Variants in KCNIP4 observed in about 807,000 individuals in gnomAD.
KCNIP4 encodes the protein Kv channel-interacting protein 4.
Under a neutral mutation model 34.0 loss-of-function variants are expected in KCNIP4, and 12 were observed. The ratio of observed to expected loss-of-function variants is 0.35; its 90% CI spans 0.23 to 0.57. The LOEUF (loss-of-function observed/expected upper bound fraction) is 0.57. KCNIP4 is among the 20% of genes least tolerant of loss of function. The probability of loss-of-function intolerance (pLI) is 0.83; values close to 1 mark genes in which losing one functional copy is unlikely to be tolerated. For synonymous variants in KCNIP4, 124 were observed against 102.2 expected, an observed-to-expected ratio of 1.21 and a Z score of -1.29; for missense variants, 238 against 311.7, an observed-to-expected ratio of 0.76 and a Z score of 1.78.
chr4:21,240,747 C>T lies in KCNIP4; in HGVS notation c.62-358038G>A, dbSNP rs552783860. 4.6e-5 allele frequency among the ~76,000 whole-genome samples: 7 copies of T among 152,294 alleles called. No individual in the cohort carries two copies. In the South Asian group the frequency reaches 1.2e-3, roughly 27 times the overall value. On this transcript the variant is annotated intron_variant, in intron 1 of 8. Transcript: ENST00000382152. ...AATTACCTCCTAATAGTGCAGCCAA[C>T]TCAAAAGTACCTTCCCCAGCATTTC...
chr4:21,721,762 A>C (rs1231321840), intron 1 of KCNIP4, among the ~76,000 whole-genome samples: 1 of 152,160 alleles, frequency 6.6e-6, no homozygotes, highest in Non-Finnish European at 1.5e-5. Flanking sequence ...CTGCTACATC[A>C]ATAAAACATG....
At chr4:21,532,755 G>A (rs764859996) in intron 1 of KCNIP4, among the ~76,000 whole-genome samples, 4 of 152,046 alleles carry the variant, frequency 2.6e-5, no homozygotes, top group Non-Finnish European at 5.9e-5. Flanking sequence ...AGTGGCTGAT[G>A]GGCAGGCAGC....
At chr4:21,131,044 T>G (rs1358851980) in intron 1 of KCNIP4, among the ~76,000 whole-genome samples, 2 of 152,254 alleles carry the variant, frequency 1.3e-5, no homozygotes, top group East Asian at 3.9e-4. Flanking sequence ...AATCCTAAAT[T>G]GAACCATTTT....
intron 1 of KCNIP4, among the ~76,000 whole-genome samples, chr4:21,936,405 C>G (rs1253120218): frequency 6.6e-6 from 1 of 152,062 alleles, no homozygotes; most frequent in Admixed American, 6.6e-5. Flanking sequence ...TGAGGTCTGC[C>G]CAGCCATGTA....
At chr4:20,926,877 C>T (rs1729951536) in intron 1 of KCNIP4, among the ~76,000 whole-genome samples, 5 of 152,202 alleles carry the variant, frequency 3.3e-5, no homozygotes, top group Admixed American at 3.3e-4. Context: ...GATATAATTG[C>T]ACAGCCAAAA....
At chr4:21,188,527 T>A (rs1373733887) in intron 1 of KCNIP4, among the ~76,000 whole-genome samples, 1 of 152,222 alleles carries the variant, frequency 6.6e-6, no homozygotes, top group Non-Finnish European at 1.5e-5. Flanking sequence ...GGTTTCTTGC[T>A]ACATGTAGAG....
At chr4:21,447,152 C>G (rs1728093558) in intron 1 of KCNIP4, among the ~76,000 whole-genome samples, 2 of 152,096 alleles carry the variant, frequency 1.3e-5, no homozygotes, top group Non-Finnish European at 2.9e-5. Context: ...GCATCTACAT[C>G]CATACTTTTA....
chr4:21,236,050 T>C (rs948562974), intron 1 of KCNIP4, among the ~76,000 whole-genome samples: 16 of 152,132 alleles, frequency 1.1e-4, no homozygotes, highest in African/African-American at 3.9e-4. Flanking sequence ...ATCTCATCAG[T>C]TTGGGAGGCT....
Position 20,904,838 on chromosome 4 carries a change from A to T in KCNIP4, c.62-22129T>A, listed in dbSNP as rs531864426. Among the ~76,000 whole-genome samples the T allele has an allele frequency of 1.7e-3, 255 of 152,268 alleles. 3 individuals are homozygous for T. In the South Asian group the frequency reaches 0.018, roughly 11 times the overall value. The stretch of plus-strand genomic sequence containing the variant: ...TGAGGTAACAATTTTACTTGTGTTT[A>T]TCCTTGGTCATCTGAGGATGTAGCA... On this transcript the variant is annotated intron_variant, in intron 1 of 8. Coordinates refer to ENST00000382152, the MANE Select transcript of KCNIP4 (RefSeq NM_025221.6).
At chr4:21,455,533 CAGAT>C (rs1322285288) in intron 1 of KCNIP4, among the ~76,000 whole-genome samples, 3 of 150,838 alleles carry the variant, frequency 2.0e-5, no homozygotes, top group Non-Finnish European at 4.4e-5. Flanking sequence ...ATATAGATGA[CAGAT>C]AGATAAATAG....
chr4:20,789,575 C>A (rs923673), intron 3 of KCNIP4, among the ~76,000 whole-genome samples: 119,677 of 151,884 alleles, frequency 0.79, 47,655 homozygotes, highest in African/African-American at 0.89. Context: ...GGGCTTGGCC[C>A]TGTGCCTGTC....
intron 1 of KCNIP4, among the ~76,000 whole-genome samples, chr4:21,513,513 C>T (rs535056233): frequency 7.2e-5 from 11 of 152,230 alleles, no homozygotes; most frequent in Admixed American, 6.5e-4. Flanking sequence ...ATCAGAAAAA[C>T]ATGGGTTTGA....
chr4:21,470,304 G>A (rs1730350683), intron 1 of KCNIP4, among the ~76,000 whole-genome samples: 1 of 152,060 alleles, frequency 6.6e-6, no homozygotes, highest in South Asian at 2.1e-4. Context: ...AAGGCAGAGA[G>A]CAAAAGAAGA....
chr4:21,859,109 G>C (rs1724917405), intron 1 of KCNIP4, among the ~76,000 whole-genome samples: 1 of 152,108 alleles, frequency 6.6e-6, no homozygotes, highest in Admixed American at 6.5e-5. Flanking sequence ...AGACCAAAAA[G>C]AGTAACTGTG....
At chr4:21,380,621 A>C (rs2109473991) in intron 1 of KCNIP4, among the ~76,000 whole-genome samples, 1 of 152,264 alleles carries the variant, frequency 6.6e-6, no homozygotes, top group South Asian at 2.1e-4. Context: ...AGAAACAAAA[A>C]GCACCTTAAA....
chr4:21,551,924 C>T (rs1385484251), intron 1 of KCNIP4, among the ~76,000 whole-genome samples: 1 of 151,738 alleles, frequency 6.6e-6, no homozygotes, highest in Non-Finnish European at 1.5e-5. Context: ...TTCAAATACT[C>T]CAAGCAAGTT....
chr4:21,795,462 T>G (rs747617077), intron 1 of KCNIP4, among the ~76,000 whole-genome samples: 1 of 152,168 alleles, frequency 6.6e-6, no homozygotes, highest in South Asian at 2.1e-4. Flanking sequence ...CTGTGCAATG[T>G]CTATGAGGCA....
chr4:21,804,004 A>G (rs1042482922), intron 1 of KCNIP4, among the ~76,000 whole-genome samples: 12 of 152,224 alleles, frequency 7.9e-5, no homozygotes, highest in Non-Finnish European at 1.6e-4. Context: ...GGAACCATGA[A>G]GGAAAGGTCT....
At chr4:20,921,856 A>C (rs1355477839) in intron 1 of KCNIP4, among the ~76,000 whole-genome samples, 1 of 152,212 alleles carries the variant, frequency 6.6e-6, no homozygotes, top group East Asian at 1.9e-4. Context: ...ATATTAATGA[A>C]GACTATCTCT....
Sources: allele counts gnomAD v4.1 joint callset (sites outside exome capture counted in the v4.1 genomes callset), GRCh38; gene constraint gnomAD v4.1.1; transcripts MANE v1.5; gene names NCBI Gene and HGNC (gene_info 2026-07-23, HGNC 2026-07-21).